Variants in KDM5A observed in about 807,000 individuals in gnomAD.
KDM5A encodes the protein lysine-specific demethylase 5A.
Under a neutral mutation model 193.5 loss-of-function variants are expected in KDM5A, and 42 were observed. That is an observed-to-expected ratio of 0.22 (90% CI 0.17 to 0.28). KDM5A has a LOEUF of 0.28. KDM5A is among the 10% of genes least tolerant of loss of function. The pLI is 1.00. For synonymous variants in KDM5A, 796 were observed against 718.1 expected (o/e 1.11, Z -1.73); for missense variants, 1,692 against 2,055.1 (o/e 0.82, Z 3.42).
At chr12:334,951 A>G (rs1269215708) in intron 10 of KDM5A, among the ~76,000 whole-genome samples, 2 of 152,088 alleles carry the variant, frequency 1.3e-5, no homozygotes, top group African/African-American at 4.8e-5. Flanking sequence ...TAAGACTGAC[A>G]GGATGCAGAA....
At chr12:346,731 A>C (rs1424902381) in intron 10 of KDM5A, among the ~76,000 whole-genome samples, 1 of 152,098 alleles carries the variant, frequency 6.6e-6, no homozygotes, top group Non-Finnish European at 1.5e-5. Flanking sequence ...CATGCTAAAA[A>C]CTCTCAATAA....
intron 24 of KDM5A, among the ~76,000 whole-genome samples, chr12:297,429 T>C (rs995275714): frequency 6.6e-6 from 1 of 152,330 alleles, no homozygotes; most frequent in Middle Eastern, 3.4e-3. Flanking sequence ...ACTAACACAT[T>C]ACTATAATTC....
intron 10 of KDM5A, among the ~76,000 whole-genome samples, chr12:342,032 CA>C (rs756709954): frequency 3.6e-4 from 54 of 151,990 alleles, no homozygotes; most frequent in Admixed American, 2.7e-3. Context: ...AATCAAAAAG[CA>C]ACTGTCAGCT....
rs533486250 is a variant in KDM5A at position 352,152 on chromosome 12, C to T, written c.1149+53G>A. 1.1e-4 allele frequency: 85 copies of T among 789,048 alleles called. No homozygotes were observed. The East Asian group carries it at 2.8e-3, about 26-fold the overall frequency. 48.9% of individuals were successfully genotyped at this position (789,048 alleles called of 1,614,324 possible). On this transcript the variant is annotated intron_variant, in intron 9 of 27. Transcript: ENST00000399788. ...AAAAGAGGAAACTGAAGGCTTTGTA[C>T]TCAGGTAAATCTTTGTACCTCCCCG... is the stretch of plus-strand genomic sequence containing the variant.
At chr12:319,741 C>A (rs1035090897) in intron 18 of KDM5A, among the ~76,000 whole-genome samples, 1 of 151,538 alleles carries the variant, frequency 6.6e-6, no homozygotes, top group Non-Finnish European at 1.5e-5. Context: ...ATGACAGAGC[C>A]AGACGCTGTC....
At chr12:326,212 C>T (rs537656983) in intron 14 of KDM5A, among the ~76,000 whole-genome samples, 8 of 152,294 alleles carry the variant, frequency 5.3e-5, no homozygotes, top group Middle Eastern at 3.4e-3. Context: ...GTTGGAAACA[C>T]AGATTACAAA....
chr12:314,530 A>G (rs1943626962), intron 19 of KDM5A, among the ~76,000 whole-genome samples: 1 of 151,328 alleles, frequency 6.6e-6, no homozygotes, highest in African/African-American at 2.4e-5. Context: ...GATTATTCAT[A>G]AGGAGTTTAT....
intron 3 of KDM5A, among the ~76,000 whole-genome samples, chr12:371,133 T>C (rs973470012): frequency 2.2e-4 from 34 of 152,362 alleles, no homozygotes; most frequent in African/African-American, 7.9e-4. Context: ...ATATACCCAG[T>C]AATGGGATGG....
chr12:309,468 C>T (rs565508877), intron 22 of KDM5A, among the ~76,000 whole-genome samples: 34 of 152,292 alleles, frequency 2.2e-4, no homozygotes, highest in African/African-American at 3.8e-4. Flanking sequence ...TACATTGCTT[C>T]GCTTAAAGTT....
intron 17 of KDM5A, among the ~76,000 whole-genome samples, chr12:321,742 A>G (rs1943719928): frequency 6.6e-6 from 1 of 152,238 alleles, no homozygotes; most frequent in Non-Finnish European, 1.5e-5. Flanking sequence ...TATGAATTCT[A>G]TTATATCAAG....
In KDM5A at chr12:297,144, T is replaced by C; in HGVS notation, c.4131A>G (p.Glu1377=). ...CCTCCTCGGATTTGATGGGAATCTC[T>C]TCATCACAAAAAAGATTGGGTTCAA... The part of the protein sequence containing the change: ...SSLEPNLFCD[E]EIPIKSEEVV... Residue 1377 remains glutamate, a synonymous_variant, in exon 25 of 28, where the codon GAA becomes GAG. Transcript: ENST00000399788. 1.9e-6 allele frequency: 3 copies of C among 1,613,846 alleles called. No individual in the cohort carries two copies. Among genetic ancestry groups the C allele is most frequent in the Non-Finnish European group, 2.5e-6 (3 of 1,179,776 alleles).
intron 27 of KDM5A, among the ~76,000 whole-genome samples, chr12:291,303 G>C (rs1244736961): frequency 1.3e-5 from 2 of 152,140 alleles, no homozygotes; most frequent in East Asian, 3.8e-4. Context: ...TCCAAAAAAT[G>C]AATAGAATAC....
chr12:376,739 A>T (rs1162781679), intron 3 of KDM5A, among the ~76,000 whole-genome samples: 2 of 152,146 alleles, frequency 1.3e-5, no homozygotes, highest in Admixed American at 1.3e-4. Context: ...AGACAGTTTT[A>T]ACATACCTAA....
chr12:350,834 T>G (rs999025538), intron 9 of KDM5A, 55 bp from the exon 10 acceptor site: 5 of 1,442,636 alleles, frequency 3.5e-6, no homozygotes, highest in Non-Finnish European at 4.9e-6. Flanking sequence ...CTATAACCCA[T>G]ATAACATAAT....
intron 8 of KDM5A, 50 bp downstream of exon 8, chr12:354,026 T>A: frequency 7.4e-7 from 1 of 1,356,754 alleles, no homozygotes; most frequent in Non-Finnish European, 1.1e-6. Context: ...TGTATATGCA[T>A]GTATTATTAT....
At chr12:355,876 A>G (rs944709476) in intron 6 of KDM5A, among the ~76,000 whole-genome samples, 8 of 152,194 alleles carry the variant, frequency 5.3e-5, no homozygotes, top group Non-Finnish European at 7.3e-5. Context: ...ACAGTTTTAT[A>G]ATTGACATGT....
chr12:280,353 C>A lies in KDM5A; in HGVS notation c.*5103G>T. On this transcript the variant is annotated 3_prime_UTR_variant, in exon 28 of 28. Coordinates refer to ENST00000399788, the MANE Select transcript of KDM5A (RefSeq NM_001042603.3). ...CTTGATCTAAACTGGGAGGGTCCAA[C>A]ACAATTTTTTTTTTTAATGGACTTG... The A allele has an allele frequency of 4.3e-6, 1 of 232,866 alleles. No individual in the cohort carries two copies. Among genetic ancestry groups the A allele is most frequent in the South Asian group, 1.8e-4 (1 of 5,502 alleles). The allele number at this position is 232,866 out of a possible 1,614,324, so 14.4% of individuals were successfully genotyped here.
At chr12:331,027 T>C (rs1451105269) in intron 13 of KDM5A, among the ~76,000 whole-genome samples, 1 of 152,096 alleles carries the variant, frequency 6.6e-6, no homozygotes, top group Non-Finnish European at 1.5e-5. Flanking sequence ...AGCATTATCA[T>C]TTACATAAAA....
intron 14 of KDM5A, among the ~76,000 whole-genome samples, chr12:324,857 A>T (rs1047706907): frequency 6.6e-6 from 1 of 151,924 alleles, no homozygotes; most frequent in African/African-American, 2.4e-5. Flanking sequence ...TGGGTGACAG[A>T]GCGAGACTCC....
Sources: allele counts gnomAD v4.1 joint callset (sites outside exome capture counted in the v4.1 genomes callset), GRCh38; gene constraint gnomAD v4.1.1; transcripts MANE v1.5; gene names NCBI Gene and HGNC (gene_info 2026-07-23, HGNC 2026-07-21).